The following CAST variants were observed in gnomAD, a reference collection of about 807,000 sequenced individuals.
The protein encoded by CAST is calpastatin.
Under a neutral mutation model 119.6 loss-of-function variants are expected in CAST, and 76 were observed. The ratio of observed to expected loss-of-function variants is 0.64; its 90% CI spans 0.53 to 0.77. The LOEUF is 0.77. Among genes scored for constraint, CAST ranks in the 30% least tolerant of loss-of-function variants. The probability of loss-of-function intolerance (pLI) is 0.00; values close to 1 mark genes in which losing one functional copy is unlikely to be tolerated. For synonymous variants in CAST, 319 were observed against 331.6 expected (o/e 0.96, Z 0.41); for missense variants, 953 against 946.5 (o/e 1.01, Z -0.09).
the CAST span, among the ~76,000 whole-genome samples, chr5:96,080,711 T>C: frequency 4.8e-3 from 736 of 152,306 alleles, 13 homozygotes; most frequent in Non-Finnish European, 5.5e-3. Context: ...TCCTGACTCA[T>C]CTAACTGTGA....
chr5:95,996,386 C>T, the CAST span, among the ~76,000 whole-genome samples: 148 of 152,296 alleles, frequency 9.7e-4, no homozygotes, highest in African/African-American at 3.4e-3. Flanking sequence ...TTTCCTGATT[C>T]TGTGAGTCAG....
chr5:96,771,580 A>C, intron 30 of CAST, 64 bp from the exon 31 acceptor site: 1 of 1,196,238 alleles, frequency 8.4e-7, no homozygotes, highest in Non-Finnish European at 1.2e-6. Flanking sequence ...AATTCTGAGA[A>C]GGCCATCTCC....
the CAST span, among the ~76,000 whole-genome samples, chr5:96,389,595 A>T: frequency 6.6e-6 from 1 of 152,164 alleles, no homozygotes; most frequent in Non-Finnish European, 1.5e-5. Flanking sequence ...CCAGGAATGG[A>T]AGTTTGAAGC....
chr5:96,540,606 A>G (rs1745894499), intron 1 of CAST, among the ~76,000 whole-genome samples: 2 of 152,216 alleles, frequency 1.3e-5, no homozygotes, highest in South Asian at 2.1e-4. Context: ...ATTATTAATT[A>G]AAATTCATAG....
At chr5:96,463,799 C>T in the CAST span, among the ~76,000 whole-genome samples, 1 of 152,070 alleles carries the variant, frequency 6.6e-6, no homozygotes, top group Non-Finnish European at 1.5e-5. Flanking sequence ...CATAACTAAA[C>T]TCTCCTTCTC....
chr5:95,963,527 T>C, the CAST span, among the ~76,000 whole-genome samples: 1 of 152,236 alleles, frequency 6.6e-6, no homozygotes, highest in Non-Finnish European at 1.5e-5. Flanking sequence ...GATACAGTGT[T>C]ATCTTAAATT....
At chr5:96,282,240 C>T in the CAST span, among the ~76,000 whole-genome samples, 1 of 152,176 alleles carries the variant, frequency 6.6e-6, no homozygotes, top group Admixed American at 6.5e-5. Context: ...AAATAACAGA[C>T]GTCCACCACA....
At chr5:96,004,507 C>T in the CAST span, among the ~76,000 whole-genome samples, 14 of 152,148 alleles carry the variant, frequency 9.2e-5, no homozygotes, top group African/African-American at 3.4e-4. Flanking sequence ...ATCTACTTAA[C>T]CAGTCCTATG....
the CAST span, among the ~76,000 whole-genome samples, chr5:96,195,346 A>T: frequency 6.6e-6 from 1 of 152,158 alleles, no homozygotes; most frequent in Non-Finnish European, 1.5e-5. Context: ...TTAAACAAAT[A>T]CTGATTCCTG....
the CAST span, among the ~76,000 whole-genome samples, chr5:96,126,440 A>G: frequency 6.6e-6 from 1 of 152,106 alleles, no homozygotes; most frequent in Admixed American, 6.6e-5. Flanking sequence ...TTCCTAAGTC[A>G]TTGTTCCATC....
At chr5:96,170,859 A>G in the CAST span, among the ~76,000 whole-genome samples, 14 of 152,164 alleles carry the variant, frequency 9.2e-5, no homozygotes, top group Admixed American at 2.0e-4. Context: ...GCGGAACGAA[A>G]CTGTAAGCCA....
chr5:96,210,877 A>G, the CAST span, among the ~76,000 whole-genome samples: 1 of 151,994 alleles, frequency 6.6e-6, no homozygotes, highest in Non-Finnish European at 1.5e-5. Flanking sequence ...CTTTCAGCAC[A>G]TAAATACTGT....
the CAST span, among the ~76,000 whole-genome samples, chr5:96,273,776 AAT>A: frequency 6.6e-6 from 1 of 152,188 alleles, no homozygotes; most frequent in Non-Finnish European, 1.5e-5. Context: ...GAGTAAACAC[AAT>A]GTAGATATCT....
chr5:96,701,229 G>GA (rs1753853862), intron 3 of CAST, among the ~76,000 whole-genome samples: 1 of 151,980 alleles, frequency 6.6e-6, no homozygotes. Context: ...TGCCTGGCCA[G>GA]AAAATTTGTT....
At chr5:96,059,234 A>G in the CAST span, among the ~76,000 whole-genome samples, 1 of 152,128 alleles carries the variant, frequency 6.6e-6, no homozygotes, top group African/African-American at 2.4e-5. Context: ...TGAGCTTGCT[A>G]AGCAAGGAAA....
At chr5:96,746,713 C>T (rs1032492768) in intron 17 of CAST, among the ~76,000 whole-genome samples, 1 of 152,194 alleles carries the variant, frequency 6.6e-6, no homozygotes, top group Non-Finnish European at 1.5e-5. Context: ...TCAGAAGGAA[C>T]AATTTGGGGA....
the CAST span, among the ~76,000 whole-genome samples, chr5:96,352,484 G>C: frequency 7.2e-5 from 11 of 152,222 alleles, no homozygotes; most frequent in South Asian, 4.2e-4. Context: ...TTTAAATTTT[G>C]TTGCTTGAGA....
intron 1 of CAST, among the ~76,000 whole-genome samples, chr5:96,637,348 G>A (rs541847442): frequency 2.3e-4 from 35 of 152,152 alleles, no homozygotes; most frequent in Non-Finnish European, 4.7e-4. Flanking sequence ...GCAACTCAGA[G>A]GTTTAGCCCC....
the CAST span, among the ~76,000 whole-genome samples, chr5:95,995,859 C>G: frequency 2.0e-5 from 3 of 152,028 alleles, no homozygotes; most frequent in African/African-American, 7.2e-5. Flanking sequence ...TACTGCATAC[C>G]CCTGCCCACA....
Sources: allele counts gnomAD v4.1 joint callset (sites outside exome capture counted in the v4.1 genomes callset), GRCh38; gene constraint gnomAD v4.1.1; transcripts MANE v1.5; gene names NCBI Gene and HGNC (gene_info 2026-07-23, HGNC 2026-07-21).